Variants in SLC43A3 observed in about 807,000 individuals in gnomAD.
SLC43A3 encodes the protein equilibrative nucleobase transporter 1.
SLC43A3 carries 33 observed loss-of-function variants against 53.3 expected under a neutral mutation model. That is an observed-to-expected ratio of 0.62 (90% CI 0.47 to 0.83). SLC43A3 has a LOEUF of 0.83. SLC43A3 is among the 40% of genes least tolerant of loss of function. SLC43A3 has a pLI of 0.00. For synonymous variants in SLC43A3, 236 were observed against 246.2 expected (o/e 0.96, Z 0.39); for missense variants, 530 against 610.0 (o/e 0.87, Z 1.38).
Position 57,407,612 on chromosome 11 carries a change from T to C in SLC43A3, c.*180A>G, listed in dbSNP as rs1246901310. 1.8e-6 allele frequency: 1 copy of C among 564,944 alleles called. No individual in the cohort carries two copies. The highest frequency in any genetic ancestry group is 1.9e-5 in the African/African-American group (1 of 53,134). The allele number at this position is 564,944 out of a possible 1,614,324, so 35.0% of individuals were successfully genotyped here. A position where few individuals can be genotyped will look rare whatever the true frequency, so the allele number is the denominator to read the frequency against. On this transcript the variant is annotated 3_prime_UTR_variant, in exon 14 of 14. Transcript: ENST00000395124. ...TTGAGTCTGTGTGATATCAATCTGC[T>C]TGGCAACTGAGATTCTTTTCTTGCT...
In SLC43A3 at chr11:57,410,093, G is replaced by A. The variant is rs1942382469; in HGVS notation, c.1089C>T (p.Cys363=). ...TCAGGGCCAGCGAAGGCACCGTCGA[G>A]CAGAGGGCCACCGCCAAAGTGGAGG... The part of the protein sequence containing the change: ...TGSSTLAVAL[C]STVPSLALTS... The change falls in exon 12 of 14, where the codon TGC becomes TGT. Residue 363 remains cysteine, a synonymous_variant. Transcript: ENST00000395124. The A allele has an allele frequency of 1.9e-6, 3 of 1,608,074 alleles. No homozygotes were observed. Among genetic ancestry groups the A allele is most frequent in the Non-Finnish European group, 2.5e-6 (3 of 1,177,636 alleles).
At chr11:57,408,856 G>T (rs1210577588) in intron 13 of SLC43A3, 2 of 307,774 alleles carry the variant, frequency 6.5e-6, no homozygotes, top group Non-Finnish European at 1.2e-5. Flanking sequence ...AAAGCACAGA[G>T]GTCCTGTCCC....
upstream of SLC43A3, chr11:57,427,215 C>T (rs1003678136): frequency 6.5e-6 from 1 of 152,814 alleles, no homozygotes; most frequent in Non-Finnish European, 1.5e-5. Context: ...TCCATCACTT[C>T]CTTCTTCTTT....
At chr11:57,410,639 A>C (rs1394959572) in intron 11 of SLC43A3, among the ~76,000 whole-genome samples, 1 of 152,170 alleles carries the variant, frequency 6.6e-6, no homozygotes, top group African/African-American at 2.4e-5. Context: ...CATCAAAAAA[A>C]AAAAAAACTC....
intron 7 of SLC43A3, among the ~76,000 whole-genome samples, chr11:57,420,460 T>C (rs1305791489): frequency 1.3e-5 from 2 of 152,136 alleles, no homozygotes; most frequent in Non-Finnish European, 2.9e-5. Flanking sequence ...CTGTTCGCAA[T>C]GAATAAGACA....
intron 11 of SLC43A3, among the ~76,000 whole-genome samples, chr11:57,410,587 C>T (rs896389726): frequency 3.3e-5 from 5 of 151,224 alleles, no homozygotes; most frequent in Non-Finnish European, 7.4e-5. Context: ...GGTTAAAAGG[C>T]ATGAGAGGTC....
intron 3 of SLC43A3, 86 bp downstream of exon 3, chr11:57,425,903 T>C: frequency 7.1e-7 from 1 of 1,410,254 alleles, no homozygotes; most frequent in Non-Finnish European, 9.8e-7. Context: ...GAAAGAGGGG[T>C]GGGCAGGGGG....
At position 57,423,795 on chromosome 11, in the gene SLC43A3, C is replaced by T. The variant is rs1462592251; in HGVS notation, c.361+187G>A. Reference sequence around the variant, plus strand: ...CCCTCTCCATCATCCTTGCTTTTCACATTTTCTCAATAAACTGTTTTCACA... The same window carrying T: ...CCCTCTCCATCATCCTTGCTTTTCATATTTTCTCAATAAACTGTTTTCACA... On this transcript the variant is annotated intron_variant, in intron 5 of 13. Transcript: ENST00000395124. 2.5e-5 allele frequency: 14 copies of T among 562,980 alleles called. 1 individual carries two copies. The South Asian group carries it at 3.4e-4, about 14-fold the overall frequency. 34.9% of individuals were successfully genotyped at this position (562,980 alleles called of 1,614,324 possible). A position where few individuals can be genotyped will look rare whatever the true frequency, so the allele number is the denominator to read the frequency against.
intron 10 of SLC43A3, 93 bp from the exon 11 acceptor site, chr11:57,414,824 C>T: frequency 6.5e-7 from 1 of 1,528,974 alleles, no homozygotes; most frequent in Non-Finnish European, 9.1e-7. Context: ...CTGCATGTCC[C>T]TCCTCCCCAC....
rs545966495 is a variant in SLC43A3 at position 57,408,278 on chromosome 11, T to C, written c.1372-382A>G. ...CGCCTCAGATTTCAAGTTTACTCTT[T>C]TGGCCATGCACAGTGGTTCACGCCT... is the stretch of plus-strand genomic sequence containing the variant. On this transcript the variant is annotated intron_variant, in intron 13 of 13. Transcript: ENST00000395124. 4.4e-4 allele frequency: 86 copies of C among 195,760 alleles called. 1 individual carries two copies. The highest frequency in any genetic ancestry group is 2.1e-3 in the Admixed American group (39 of 18,638). 12.1% of individuals were successfully genotyped at this position (195,760 alleles called of 1,614,324 possible).
chr11:57,421,268 G>A (rs774118679), intron 6 of SLC43A3, 29 bp downstream of exon 6: 28 of 1,571,714 alleles, frequency 1.8e-5, no homozygotes, highest in South Asian at 7.8e-5. Context: ...CCACCCTGCC[G>A]AGTGCCTGGG....
rs576550118 is a variant in SLC43A3, at chr11:57,420,264, C to G, written c.531+708G>C. 4.6e-5 allele frequency among the ~76,000 whole-genome samples: 7 copies of G among 152,332 alleles called. No homozygotes were observed. In the East Asian group the frequency reaches 1.3e-3, roughly 29 times the overall value. ...GACTTTGTTTTTACTCTGCTTTCAC[C>G]TTGCGTCAGGGAAGAAAAGTCCCCT... is the stretch of plus-strand genomic sequence containing the variant. On this transcript the variant is annotated intron_variant, in intron 7 of 13. Coordinates refer to ENST00000395124, the MANE Select transcript of SLC43A3 (RefSeq NM_199329.3).
At chr11:57,419,571 G>A (rs1348208545) in intron 7 of SLC43A3, among the ~76,000 whole-genome samples, 2 of 152,176 alleles carry the variant, frequency 1.3e-5, no homozygotes, top group Admixed American at 6.5e-5. Flanking sequence ...GTCAAGGAAG[G>A]CGGATTACTT....
In SLC43A3 at chr11:57,421,300, C is replaced by A. The variant is rs1199089781; in HGVS notation, c.435G>T (p.Leu145=). 1.2e-6 allele frequency: 2 copies of A among 1,612,982 alleles called. No individual in the cohort carries two copies. Among genetic ancestry groups the A allele is most frequent in the Admixed American group, 1.7e-5 (1 of 60,016 alleles). ...IGGILFLITN[L]QIGNLFGQHR... is the part of the protein sequence containing the mutation. The stretch of plus-strand genomic sequence containing the variant: ...TGGGATTAGGGAAGGCTCCCACCTG[C>A]AGGTTGGTGATGAGAAACAGGATTC... Residue 145 remains leucine (L), a synonymous_variant, in exon 6 of 14, where the codon CTG becomes CTT. Transcript: ENST00000395124.
Position 57,415,200 on chromosome 11 carries a change from G to A in SLC43A3, c.770-94C>T, listed in dbSNP as rs185081119. On this transcript the variant is annotated intron_variant, in intron 9 of 13. Transcript: ENST00000395124. The stretch of plus-strand genomic sequence containing the variant: ...GGCTTCAATGGAACATTTCAGATCC[G>A]GGCCCACCTTCTACCCTTGGCTCCC... 157 of 1,567,134 alleles carry A rather than the reference G, an allele frequency of 1.0e-4. No homozygotes were observed. In the African/African-American group the frequency reaches 1.0e-3, roughly 10 times the overall value.
chr11:57,421,021 A>T lies in SLC43A3; in HGVS notation c.482T>A (p.Leu161Gln). The T allele has an allele frequency of 6.2e-7, 1 of 1,614,040 alleles. No homozygotes were observed. Among genetic ancestry groups the T allele is most frequent in the Non-Finnish European group, 8.5e-7 (1 of 1,179,856 alleles). ...FGQHRSTIIT[L>Q]YNGAFDSSSA... ...GGAAGAGTCAAATGCTCCATTGTAC[A>T]GAGTGATGATGGTCGAACGGTGTTG... The change falls in exon 7 of 14, where the codon CTG (leucine) becomes CAG (glutamine). Residue 161 changes from leucine (L) to glutamine (Q), a missense_variant. By Grantham distance (113) the Leu-to-Gln change is moderately radical (BLOSUM62 -2). Transcript: ENST00000395124.
intron 11 of SLC43A3, among the ~76,000 whole-genome samples, chr11:57,414,084 C>G (rs1158724242): frequency 6.6e-6 from 1 of 152,190 alleles, no homozygotes; most frequent in South Asian, 2.1e-4. Context: ...AGACTGAGAA[C>G]ACCTTGAGAA....
chr11:57,422,706 G>A (rs1056811559), intron 5 of SLC43A3, among the ~76,000 whole-genome samples: 1 of 152,208 alleles, frequency 6.6e-6, no homozygotes, highest in Non-Finnish European at 1.5e-5. Context: ...TGGAGGAAGA[G>A]GAGGATTGTT....
intron 5 of SLC43A3, among the ~76,000 whole-genome samples, chr11:57,421,631 A>T (rs1295418264): frequency 6.6e-6 from 1 of 152,178 alleles, no homozygotes; most frequent in Non-Finnish European, 1.5e-5. Context: ...AAGTCTACAG[A>T]CAGAGGCAGA....
Sources: allele counts gnomAD v4.1 joint callset (sites outside exome capture counted in the v4.1 genomes callset), GRCh38; gene constraint gnomAD v4.1.1; transcripts MANE v1.5; gene names NCBI Gene and HGNC (gene_info 2026-07-23, HGNC 2026-07-21).